The following SAE1 variants were observed in gnomAD, a reference collection of about 807,000 sequenced individuals.
SAE1 encodes SUMO1 activating enzyme subunit 1.
A neutral mutation model predicts 40.6 loss-of-function variants in SAE1; 11 were observed. The observed-to-expected ratio is 0.27, with a 90% CI of 0.17 to 0.45. The LOEUF is 0.45. Among genes scored for constraint, SAE1 ranks in the 20% least tolerant of loss-of-function variants. The probability of loss-of-function intolerance (pLI) is 1.00; values close to 1 mark genes in which losing one functional copy is unlikely to be tolerated. For synonymous variants in SAE1, 155 were observed against 154.3 expected (o/e 1.00, Z -0.03); for missense variants, 373 against 427.3 (o/e 0.87, Z 1.12).
intron 8 of SAE1, 50 bp from the exon 9 acceptor site, chr19:47,209,109 A>G: frequency 6.3e-7 from 1 of 1,577,140 alleles, no homozygotes; most frequent in Non-Finnish European, 8.6e-7. Flanking sequence ...TTTTCCCTCT[A>G]TTCCTCTTAA....
intron 1 of SAE1, among the ~76,000 whole-genome samples, chr19:47,134,180 C>T (rs1198566587): frequency 1.3e-5 from 2 of 151,894 alleles, no homozygotes; most frequent in African/African-American, 4.8e-5. Flanking sequence ...TTTTTTTATA[C>T]AACTAAGTAG....
chr19:47,194,623 C>G (rs182949803), intron 6 of SAE1, among the ~76,000 whole-genome samples: 8 of 151,946 alleles, frequency 5.3e-5, no homozygotes, highest in African/African-American at 1.5e-4. Context: ...AGACAAGGCT[C>G]GAGACTGGCT....
chr19:47,179,013 G>A (rs2058487622), intron 6 of SAE1, among the ~76,000 whole-genome samples: 1 of 151,760 alleles, frequency 6.6e-6, no homozygotes, highest in Admixed American at 6.6e-5. Context: ...CTGACACGGT[G>A]AAACCTCGTC....
intron 4 of SAE1, among the ~76,000 whole-genome samples, chr19:47,154,409 A>G: frequency 7.0e-6 from 1 of 143,710 alleles, no homozygotes; most frequent in East Asian, 2.3e-4. Flanking sequence ...TAAAGAAGTT[A>G]TAGTAGTGGG....
chr19:47,205,709 A>G (rs2058683099), intron 8 of SAE1, among the ~76,000 whole-genome samples: 1 of 152,180 alleles, frequency 6.6e-6, no homozygotes, highest in African/African-American at 2.4e-5. Flanking sequence ...CTGAAAGCCC[A>G]CTGTCTGCCA....
At chr19:47,151,589 G>A (rs1321170153) in intron 3 of SAE1, among the ~76,000 whole-genome samples, 1 of 152,126 alleles carries the variant, frequency 6.6e-6, no homozygotes, top group African/African-American at 2.4e-5. Flanking sequence ...TTCTGCCTCA[G>A]CCTCCCGTTT....
chr19:47,136,324 G>C (rs1462800026), intron 1 of SAE1, among the ~76,000 whole-genome samples: 1 of 151,304 alleles, frequency 6.6e-6, no homozygotes, highest in Admixed American at 6.6e-5. Flanking sequence ...TTTTTTAGTA[G>C]AGATGGGGTT....
chr19:47,199,162 A>G (rs2058635761), intron 7 of SAE1, among the ~76,000 whole-genome samples: 2 of 152,004 alleles, frequency 1.3e-5, no homozygotes, highest in African/African-American at 2.4e-5. Context: ...CGAGACAGGC[A>G]GATCATGAGG....
chr19:47,138,506 T>C (rs573746230), intron 1 of SAE1, among the ~76,000 whole-genome samples: 24 of 152,246 alleles, frequency 1.6e-4, no homozygotes, highest in Non-Finnish European at 3.2e-4. Context: ...TGGCCATTAT[T>C]ATTTTATTAT....
At chr19:47,163,914 C>T (rs1347808986) in intron 5 of SAE1, among the ~76,000 whole-genome samples, 4 of 151,732 alleles carry the variant, frequency 2.6e-5, no homozygotes, top group Non-Finnish European at 5.9e-5. Context: ...GGATTACAGG[C>T]TTGTGCTACC....
intron 5 of SAE1, among the ~76,000 whole-genome samples, chr19:47,161,112 C>A (rs1263546229): frequency 6.6e-6 from 1 of 152,068 alleles, no homozygotes; most frequent in East Asian, 1.9e-4. Context: ...AGGGATCCTC[C>A]CACCCACCTC....
At chr19:47,161,902 C>T (rs948850329) in intron 5 of SAE1, among the ~76,000 whole-genome samples, 2 of 152,166 alleles carry the variant, frequency 1.3e-5, no homozygotes, top group Non-Finnish European at 1.5e-5. Context: ...AGAAGCAACA[C>T]GTTTGTGAGG....
At chr19:47,207,553 T>C (rs1438102640) in intron 8 of SAE1, among the ~76,000 whole-genome samples, 1 of 152,180 alleles carries the variant, frequency 6.6e-6, no homozygotes, top group Non-Finnish European at 1.5e-5. Context: ...TTGTGAACCC[T>C]TTCTCAGAAA....
intron 6 of SAE1, among the ~76,000 whole-genome samples, chr19:47,192,053 CAA>C (rs546857201): frequency 1.1e-4 from 11 of 104,088 alleles, no homozygotes; most frequent in Non-Finnish European, 1.2e-4. Flanking sequence ...GACTCTGTCT[CAA>C]AAAAAAAAAA....
At chr19:47,187,340 G>T (rs943942654) in intron 6 of SAE1, among the ~76,000 whole-genome samples, 4 of 152,178 alleles carry the variant, frequency 2.6e-5, no homozygotes, top group South Asian at 2.1e-4. Flanking sequence ...GGGTTTCCCT[G>T]TTGAGGACAG....
chr19:47,140,463 G>C (rs1399691296), intron 1 of SAE1, among the ~76,000 whole-genome samples: 1 of 151,904 alleles, frequency 6.6e-6, no homozygotes, highest in African/African-American at 2.4e-5. Flanking sequence ...TGTTGGCCAG[G>C]CTGGTCTCGA....
chr19:47,173,531 A>G (rs1428496911), intron 6 of SAE1, among the ~76,000 whole-genome samples: 1 of 152,168 alleles, frequency 6.6e-6, no homozygotes, highest in African/African-American at 2.4e-5. Context: ...TGCAGAGGAT[A>G]AAATCAGGAT....
At position 47,209,228 on chromosome 19, in the gene SAE1, G is replaced by A; in HGVS notation, c.1018G>A (p.Val340Met). 6.2e-7 allele frequency: 1 copy of A among 1,614,080 alleles called. No individual in the cohort carries two copies. The highest frequency in any genetic ancestry group is 8.5e-7 in the Non-Finnish European group (1 of 1,180,006). The part of the protein sequence containing the change: ...FFDGMKGNGI[V>M]ECLGPK ...CGATGGCATGAAGGGGAATGGGATT[G>A]TGGAGTGCCTTGGCCCCAAGTGAAC... The change falls in exon 9 of 9, where the codon GTG (valine) becomes ATG (methionine). Residue 340 changes from valine to methionine, a missense_variant. Coordinates refer to ENST00000270225, the MANE Select transcript of SAE1 (RefSeq NM_005500.3).
rs374723445 is a variant in SAE1, at chr19:47,158,679, T to A, written c.627+3466T>A. Among the ~76,000 whole-genome samples the A allele has an allele frequency of 4.9e-4, 75 of 152,276 alleles. No individual in the cohort carries two copies. In the East Asian group the frequency reaches 0.013, roughly 27 times the overall value. ...TCACTGCCGCAGCCAGCTCCTTCCA[T>A]GAGTTGCAGAATGCCTACTGTGTGC... is the stretch of plus-strand genomic sequence containing the variant. On this transcript the variant is annotated intron_variant, in intron 5 of 8. Transcript: ENST00000270225.
Sources: allele counts gnomAD v4.1 joint callset (sites outside exome capture counted in the v4.1 genomes callset), GRCh38; gene constraint gnomAD v4.1.1; transcripts MANE v1.5; gene names NCBI Gene and HGNC (gene_info 2026-07-23, HGNC 2026-07-21).